The following SLC12A2 variants were observed in gnomAD, a reference collection of about 807,000 sequenced individuals.
SLC12A2 encodes the protein Na-K-2Cl cotransporter 1.
SLC12A2 carries 67 observed loss-of-function variants against 136.3 expected under a neutral mutation model. The ratio of observed to expected loss-of-function variants is 0.49; its 90% CI spans 0.40 to 0.60. The LOEUF (loss-of-function observed/expected upper bound fraction) is 0.60. Ranked by LOEUF, SLC12A2 falls within the 20% of genes least tolerant of loss-of-function variation. SLC12A2 has a pLI of 0.00. For synonymous variants in SLC12A2, 619 were observed against 562.9 expected (o/e 1.10, Z -1.41); for missense variants, 1,322 against 1,534.7 (o/e 0.86, Z 2.32).
chr5:128,109,197 A>T (rs556492248), intron 1 of SLC12A2, among the ~76,000 whole-genome samples: 3 of 152,254 alleles, frequency 2.0e-5, no homozygotes, highest in African/African-American at 2.4e-5. Context: ...CAAAAAATAT[A>T]CTTAATTAAG....
intron 1 of SLC12A2, among the ~76,000 whole-genome samples, chr5:128,097,845 T>C (rs1309501795): frequency 2.0e-5 from 3 of 152,244 alleles, no homozygotes; most frequent in African/African-American, 7.2e-5. Context: ...TTGCTTCCCT[T>C]CCTTGGGCAC....
At chr5:128,113,556 T>C (rs1351115802) in intron 2 of SLC12A2, among the ~76,000 whole-genome samples, 1 of 152,190 alleles carries the variant, frequency 6.6e-6, no homozygotes, top group Non-Finnish European at 1.5e-5. Context: ...TATTGGAATT[T>C]CAGGGAGAAA....
chr5:128,085,796 C>T (rs551081960), intron 1 of SLC12A2, among the ~76,000 whole-genome samples: 1 of 152,280 alleles, frequency 6.6e-6, no homozygotes, highest in South Asian at 2.1e-4. Flanking sequence ...CAAGATTGTA[C>T]TTGTCCCAGT....
At chr5:128,116,377 G>A (rs1342445142) in intron 4 of SLC12A2, among the ~76,000 whole-genome samples, 2 of 126,518 alleles carry the variant, frequency 1.6e-5, no homozygotes, top group South Asian at 2.7e-4. Flanking sequence ...ATATACCATT[G>A]GTAGTGTGTA....
chr5:128,102,509 A>G (rs1760776403), intron 1 of SLC12A2, among the ~76,000 whole-genome samples: 1 of 144,752 alleles, frequency 6.9e-6, no homozygotes, highest in African/African-American at 2.6e-5. Flanking sequence ...ATCGTATAGC[A>G]TATTTTCAAT....
chr5:128,165,159 A>G lies in SLC12A2; in HGVS notation c.2617-2602A>G, dbSNP rs78703042. Among the ~76,000 whole-genome samples the G allele has an allele frequency of 9.4e-3, 1,426 of 152,176 alleles. 21 individuals are homozygous for G. Among genetic ancestry groups the G allele is most frequent in the Non-Finnish European group, 9.2e-3 (626 of 67,988 alleles). On this transcript the variant is annotated intron_variant, in intron 17 of 26. Transcript: ENST00000262461. ...GCCCAGCCTAAGACTTCACTATTTT[A>G]AAAAAGAGACAATCTTATCAATAAA...
intron 17 of SLC12A2, among the ~76,000 whole-genome samples, chr5:128,166,964 C>G (rs1030552596): frequency 6.6e-6 from 1 of 151,870 alleles, no homozygotes; most frequent in Non-Finnish European, 1.5e-5. Flanking sequence ...TCTAAAGATT[C>G]AACCAACCAT....
chr5:128,102,080 T>C (rs548518070), intron 1 of SLC12A2, among the ~76,000 whole-genome samples: 1 of 152,284 alleles, frequency 6.6e-6, no homozygotes, highest in South Asian at 2.1e-4. Context: ...GCTCACAGTA[T>C]GGGCAGTTGC....
intron 1 of SLC12A2, among the ~76,000 whole-genome samples, chr5:128,095,668 A>G (rs537917509): frequency 1.3e-5 from 2 of 152,222 alleles, no homozygotes; most frequent in East Asian, 3.9e-4. Context: ...TTAAAACATT[A>G]TGAAATTTTT....
intron 22 of SLC12A2, among the ~76,000 whole-genome samples, chr5:128,180,360 C>G (rs1019235432): frequency 7.2e-5 from 11 of 152,084 alleles, no homozygotes; most frequent in Non-Finnish European, 1.0e-4. Flanking sequence ...GAAAGTAACC[C>G]TTTCCAAGGA....
chr5:128,174,104 A>G (rs931708907), intron 19 of SLC12A2, among the ~76,000 whole-genome samples: 4 of 152,136 alleles, frequency 2.6e-5, no homozygotes, highest in African/African-American at 9.6e-5. Context: ...CTACTGTCCT[A>G]TGACTTGTAC....
intron 4 of SLC12A2, among the ~76,000 whole-genome samples, chr5:128,117,319 T>G (rs1392384972): frequency 6.6e-6 from 1 of 152,148 alleles, no homozygotes; most frequent in African/African-American, 2.4e-5. Context: ...ATAACTGATT[T>G]GGATGAAAAT....
intron 22 of SLC12A2, among the ~76,000 whole-genome samples, chr5:128,180,624 A>G (rs1307157407): frequency 6.6e-6 from 1 of 151,996 alleles, no homozygotes; most frequent in Non-Finnish European, 1.5e-5. Flanking sequence ...TATTTTCTCA[A>G]TCCTGTTGTA....
At chr5:128,152,978 AT>A (rs1762753245) in intron 15 of SLC12A2, among the ~76,000 whole-genome samples, 173 bp downstream of exon 15, 1 of 152,230 alleles carries the variant, frequency 6.6e-6, no homozygotes, top group Non-Finnish European at 1.5e-5. Flanking sequence ...AAAAAATGTT[AT>A]GAGGGTTTTG....
chr5:128,144,539 T>A (rs1183411526), intron 10 of SLC12A2, among the ~76,000 whole-genome samples: 1 of 152,180 alleles, frequency 6.6e-6, no homozygotes, highest in East Asian at 1.9e-4. Flanking sequence ...CTTGCTATAT[T>A]TCTACATTTT....
intron 1 of SLC12A2, among the ~76,000 whole-genome samples, chr5:128,105,628 ACT>A (rs1189265509): frequency 6.6e-6 from 1 of 152,148 alleles, no homozygotes. Flanking sequence ...TAAAAAGTTA[ACT>A]CTGGTTAAAG....
At position 128,084,120 on chromosome 5, in the gene SLC12A2, G is replaced by T; in HGVS notation, c.166G>T (p.Val56Phe). The change falls in exon 1 of 27, where the codon GTC (valine) becomes TTC (phenylalanine). Residue 56 changes from valine to phenylalanine, a missense_variant. Physicochemically the swap from Val to Phe is conservative, Grantham distance 50. Transcript: ENST00000262461. This position sits in a 1 kb window ranked among gnomAD's most constrained non-coding sequence, Gnocchi z 5.6. ...GCCCGCGAGCCGGGACGGCGGCGGG[G>T]TCCGCGATGAGGGCCCCGCGGCGGC... Reference protein sequence around the residue: ...AAPASRDGGGVRDEGPAAAGD... With the variant: ...AAPASRDGGGFRDEGPAAAGD... The T allele has an allele frequency of 7.7e-7, 1 of 1,306,070 alleles. No individual in the cohort carries two copies. Among genetic ancestry groups the T allele is most frequent in the South Asian group, 2.3e-5 (1 of 44,128 alleles). The allele number at this position is 1,306,070 out of a possible 1,614,324, so 80.9% of individuals were successfully genotyped here. A position where few individuals can be genotyped will look rare whatever the true frequency, so the allele number is the denominator to read the frequency against.
intron 15 of SLC12A2, among the ~76,000 whole-genome samples, chr5:128,154,803 T>C (rs181790197): frequency 6.6e-6 from 1 of 152,342 alleles, no homozygotes; most frequent in East Asian, 1.9e-4. Context: ...GCTGTAACTT[T>C]TACAGTTTGA....
At chr5:128,093,136 TTGTTC>T (rs1252857217) in intron 1 of SLC12A2, among the ~76,000 whole-genome samples, 1 of 152,082 alleles carries the variant, frequency 6.6e-6, no homozygotes, top group Non-Finnish European at 1.5e-5. Context: ...AGTTTTTGTT[TTGTTC>T]TGTTTTGTTT....
Sources: allele counts gnomAD v4.1 joint callset (sites outside exome capture counted in the v4.1 genomes callset), GRCh38; gene constraint gnomAD v4.1.1; non-coding constraint Gnocchi (gnomAD v3.1); transcripts MANE v1.5; gene names NCBI Gene and HGNC (gene_info 2026-07-23, HGNC 2026-07-21).